Variants in SRGAP2B observed in about 807,000 individuals in gnomAD.
SRGAP2B encodes the protein SLIT-ROBO Rho GTPase-activating protein 2B.
A neutral mutation model predicts 22.2 loss-of-function variants in SRGAP2B; 9 were observed. The ratio of observed to expected loss-of-function variants is 0.41; its 90% confidence interval spans 0.24 to 0.71. The LOEUF (loss-of-function observed/expected upper bound fraction) is 0.71. Ranked by LOEUF, SRGAP2B falls within the 30% of genes least tolerant of loss-of-function variation. SRGAP2B has a pLI of 0.35. For missense variants in SRGAP2B, 114 were observed against 235.8 expected (o/e 0.48, Z 3.38); for synonymous variants, 36 against 87.4 (o/e 0.41, Z 3.28).
At chr1:145,025,119 CCTCAAGGGTTG>C (rs1647583123) in intron 2 of SRGAP2B, among the ~76,000 whole-genome samples, 1 of 71,232 alleles carries the variant, frequency 1.4e-5, no homozygotes, top group South Asian at 7.3e-4. Context: ...ACACTGCTGT[CCTCAAGGGTTG>C]CTCTGGGGTC....
At chr1:145,030,736 A>ATG (rs1553625902) in intron 2 of SRGAP2B, among the ~76,000 whole-genome samples, 1 of 68,566 alleles carries the variant, frequency 1.5e-5, no homozygotes, top group Non-Finnish European at 3.0e-5. Flanking sequence ...ATATATATAT[A>ATG]TATATATATA....
chr1:144,929,549 G>T (rs1205784206), intron 4 of SRGAP2B, among the ~76,000 whole-genome samples: 1 of 150,662 alleles, frequency 6.6e-6, no homozygotes, highest in Non-Finnish European at 1.5e-5. Flanking sequence ...TTTAAAGTTT[G>T]CATCTGTTAA....
chr1:144,972,753 G>T (rs1769147), intron 3 of SRGAP2B, among the ~76,000 whole-genome samples: 2 of 149,688 alleles, frequency 1.3e-5, no homozygotes, highest in Non-Finnish European at 2.9e-5. Context: ...AAAAATCAAC[G>T]TATAGGTCAC....
chr1:144,983,106 G>T (rs879993040), intron 3 of SRGAP2B, among the ~76,000 whole-genome samples: 5 of 148,506 alleles, frequency 3.4e-5, no homozygotes, highest in African/African-American at 5.3e-5. Flanking sequence ...GTCCCAGGAA[G>T]TCAGGGGTTT....
At chr1:144,973,226 T>C (rs1313211897) in intron 3 of SRGAP2B, among the ~76,000 whole-genome samples, 1 of 148,690 alleles carries the variant, frequency 6.7e-6, no homozygotes. Flanking sequence ...ATAAGTATAT[T>C]CCAGCTTGTA....
At chr1:144,902,688 G>A (rs1662721839) in intron 7 of SRGAP2B, among the ~76,000 whole-genome samples, 1 of 145,978 alleles carries the variant, frequency 6.9e-6, no homozygotes, top group Non-Finnish European at 1.5e-5. Context: ...CGTGAACCTG[G>A]GAGGCGGAGC....
intron 2 of SRGAP2B, among the ~76,000 whole-genome samples, chr1:145,006,945 T>G (rs1220941513): frequency 6.6e-6 from 1 of 150,768 alleles, no homozygotes; most frequent in Non-Finnish European, 1.5e-5. Flanking sequence ...ATTGTAGTTC[T>G]GCCACCTGGT....
intron 2 of SRGAP2B, among the ~76,000 whole-genome samples, chr1:144,998,951 C>A (rs1553619069): frequency 6.6e-6 from 1 of 150,970 alleles, no homozygotes; most frequent in Admixed American, 6.6e-5. Flanking sequence ...GGGCCATGTG[C>A]CCAGGCTGAA....
At chr1:145,094,331 T>C (rs587769593) in intron 1 of SRGAP2B, among the ~76,000 whole-genome samples, 200 of 11,258 alleles carry the variant, frequency 0.018, 2 homozygotes, top group Non-Finnish European at 0.028. Flanking sequence ...GCCCGGCGAC[T>C]AGCTCCCTCG....
At chr1:145,094,748 CG>C in intron 1 of SRGAP2B, 4 of 516,352 alleles carry the variant, frequency 7.7e-6, no homozygotes, top group Non-Finnish European at 6.7e-6. Context: ...CGGGGCGGGC[CG>C]GGGGGTGGGA....
intron 2 of SRGAP2B, among the ~76,000 whole-genome samples, chr1:145,039,443 C>A (rs1649004092): frequency 7.2e-6 from 1 of 138,642 alleles, no homozygotes; most frequent in African/African-American, 2.7e-5. Flanking sequence ...CCATCACACT[C>A]CAGCCTGGGT....
chr1:145,089,915 TTTA>T (rs1234371859), intron 2 of SRGAP2B, among the ~76,000 whole-genome samples: 2 of 143,730 alleles, frequency 1.4e-5, no homozygotes, highest in Non-Finnish European at 3.0e-5. Flanking sequence ...GGAAATGTAT[TTTA>T]TTTTACCCAT....
In SRGAP2B at chr1:144,910,548, A is replaced by C. The variant is rs1255040728; in HGVS notation, c.486+4144T>G. On this transcript the variant is annotated intron_variant, in intron 5 of 9. Transcript: ENST00000612199. Reference sequence around the variant, plus strand: ...GGGGATATAAATTTAGGGGGAGTACAGAAGCATAAGGCCTCTGGAATAACA... The same window carrying C: ...GGGGATATAAATTTAGGGGGAGTACCGAAGCATAAGGCCTCTGGAATAACA... Among the ~76,000 whole-genome samples the C allele has an allele frequency of 6.8e-3, 1,017 of 149,492 alleles. 42 individuals carry two copies. Among genetic ancestry groups the C allele is most frequent in the African/African-American group, 0.024 (961 of 39,400 alleles).
At chr1:144,934,351 T>C (rs1665459065) in intron 4 of SRGAP2B, among the ~76,000 whole-genome samples, 2 of 126,038 alleles carry the variant, frequency 1.6e-5, no homozygotes, top group Non-Finnish European at 3.1e-5. Context: ...TTACAGTGAG[T>C]CAAGATCGCG....
At chr1:144,969,656 A>AACT (rs1668352406) in intron 3 of SRGAP2B, among the ~76,000 whole-genome samples, 1 of 150,478 alleles carries the variant, frequency 6.6e-6, no homozygotes, top group African/African-American at 2.5e-5. Context: ...GATCTCATAA[A>AACT]ACTAAAGAGC....
At chr1:145,014,473 T>C (rs1446008230) in intron 2 of SRGAP2B, among the ~76,000 whole-genome samples, 2 of 149,072 alleles carry the variant, frequency 1.3e-5, no homozygotes, top group Non-Finnish European at 3.0e-5. Context: ...ATTAAATCTT[T>C]AGTATTTCAA....
chr1:144,999,142 T>A (rs1553619123), intron 2 of SRGAP2B, among the ~76,000 whole-genome samples: 1 of 150,990 alleles, frequency 6.6e-6, no homozygotes, highest in Admixed American at 6.6e-5. Flanking sequence ...TGCTTCACGA[T>A]ACCAACTCAA....
chr1:144,984,261 A>C (rs1490821386), intron 3 of SRGAP2B, among the ~76,000 whole-genome samples: 2 of 148,906 alleles, frequency 1.3e-5, no homozygotes, highest in African/African-American at 2.5e-5. Context: ...CAGAGGATGC[A>C]GTGAGCTGAG....
chr1:145,003,949 G>A (rs1430942301), intron 2 of SRGAP2B, among the ~76,000 whole-genome samples: 3 of 140,804 alleles, frequency 2.1e-5, no homozygotes, highest in African/African-American at 7.8e-5. Flanking sequence ...ACATCCTTGG[G>A]TTCAAAGGTA....
Sources: allele counts gnomAD v4.1 joint callset (sites outside exome capture counted in the v4.1 genomes callset), GRCh38; gene constraint gnomAD v4.1.1; transcripts MANE v1.5; gene names NCBI Gene and HGNC (gene_info 2026-07-23, HGNC 2026-07-21).